SYNDIG1L: variants seen among roughly 807,000 people sequenced by gnomAD.
SYNDIG1L encodes the protein synapse differentiation inducing 1 like, also known as synapse differentiation-inducing gene protein 1-like.
SYNDIG1L carries 13 observed loss-of-function variants against 20.1 expected under a neutral mutation model. That is an observed-to-expected ratio of 0.65 (90% CI 0.42 to 1.03). The LOEUF is 1.03. Among genes scored for constraint, SYNDIG1L ranks in the 50% least tolerant of loss-of-function variants. The pLI is 0.00. For synonymous variants in SYNDIG1L, 128 were observed against 129.3 expected (o/e 0.99, Z 0.07); for missense variants, 294 against 305.1 (o/e 0.96, Z 0.27).
intron 1 of SYNDIG1L, 40 bp downstream of exon 1, chr14:74,425,872 T>C (rs1037841378): frequency 6.6e-6 from 1 of 152,164 alleles, no homozygotes; most frequent in African/African-American, 2.4e-5. Context: ...GCTCCGTGCC[T>C]AGCTCTGCGC....
the SYNDIG1L span, among the ~76,000 whole-genome samples, chr14:74,434,220 T>A: frequency 1.3e-5 from 2 of 152,218 alleles, no homozygotes. Flanking sequence ...ATGCATGCAC[T>A]ACCTTAAAAT....
the SYNDIG1L span, among the ~76,000 whole-genome samples, chr14:74,459,865 G>A: frequency 1.3e-5 from 2 of 152,242 alleles, no homozygotes; most frequent in Non-Finnish European, 2.9e-5. Context: ...TCACTGCCCA[G>A]ATGGATTTCT....
intron 1 of SYNDIG1L, among the ~76,000 whole-genome samples, chr14:74,412,912 C>T (rs1383519487): frequency 6.6e-6 from 1 of 152,172 alleles, no homozygotes; most frequent in Non-Finnish European, 1.5e-5. Context: ...GTGCTGTCAC[C>T]ATCCATGTGG....
chr14:74,407,795 C>A, intron 3 of SYNDIG1L, 54 bp downstream of exon 3: 1 of 1,581,038 alleles, frequency 6.3e-7, no homozygotes, highest in East Asian at 2.2e-5. Flanking sequence ...GGATGCCAAG[C>A]CCTCCAGTAG....
Position 74,417,233 on chromosome 14 carries a change from G to T in SYNDIG1L, c.-57-7432C>A, listed in dbSNP as rs2086184124. 2.0e-5 allele frequency among the ~76,000 whole-genome samples: 3 copies of T among 152,210 alleles called. No homozygotes were observed. The South Asian group carries it at 6.2e-4, about 31-fold the overall frequency. ...GCATGCTTTTAGCCACCAAACAGAT[G>T]CAGGGATGGGAGACCAGAGGTCCTG... is the stretch of plus-strand genomic sequence containing the variant. On this transcript the variant is annotated intron_variant, in intron 1 of 3. Coordinates refer to ENST00000331628, the MANE Select transcript of SYNDIG1L (RefSeq NM_001105579.2).
the SYNDIG1L span, among the ~76,000 whole-genome samples, chr14:74,434,856 T>G: frequency 1.1e-4 from 16 of 148,780 alleles, no homozygotes; most frequent in Admixed American, 1.1e-3. Flanking sequence ...CCGAGGCAGG[T>G]GGATCATGAG....
chr14:74,414,572 T>C (rs570622104), intron 1 of SYNDIG1L, among the ~76,000 whole-genome samples: 11 of 152,304 alleles, frequency 7.2e-5, no homozygotes, highest in Middle Eastern at 3.4e-3. Flanking sequence ...CCAATTGCAT[T>C]GGAGTCCAAT....
At chr14:74,412,773 C>T (rs2086142215) in intron 1 of SYNDIG1L, among the ~76,000 whole-genome samples, 1 of 152,130 alleles carries the variant, frequency 6.6e-6, no homozygotes, top group African/African-American at 2.4e-5. Context: ...GCAGCCCTGC[C>T]CCTCCACCCC....
chr14:74,440,953 A>G, the SYNDIG1L span, among the ~76,000 whole-genome samples: 1 of 152,064 alleles, frequency 6.6e-6, no homozygotes, highest in Non-Finnish European at 1.5e-5. Context: ...ATAAATCTCA[A>G]TGTCTCTGAA....
chr14:74,461,131 C>T, the SYNDIG1L span, among the ~76,000 whole-genome samples: 26 of 150,484 alleles, frequency 1.7e-4, no homozygotes, highest in African/African-American at 6.1e-4. Context: ...GAGGGGACTA[C>T]ACAGTCAGGT....
chr14:74,437,834 G>T, the SYNDIG1L span, among the ~76,000 whole-genome samples: 1 of 152,124 alleles, frequency 6.6e-6, no homozygotes, highest in Non-Finnish European at 1.5e-5. Flanking sequence ...TTTGGCAGCC[G>T]CTCAGGGGCT....
At chr14:74,431,711 A>G in the SYNDIG1L span, among the ~76,000 whole-genome samples, 1 of 152,128 alleles carries the variant, frequency 6.6e-6, no homozygotes, top group African/African-American at 2.4e-5. Context: ...GTGACATTTA[A>G]TGAGGGAGCA....
rs543722555 is a variant in SYNDIG1L at position 74,414,751 on chromosome 14, G to A, written c.-57-4950C>T. Among the ~76,000 whole-genome samples, 54 of 152,272 alleles carry A rather than the reference G, an allele frequency of 3.5e-4. 1 individual carries two copies. The highest frequency in any genetic ancestry group is 2.0e-3 in the Admixed American group (31 of 15,300). ...GTGCCGGGAACTGTTCTAAATGCTC[G>A]TGTTGACTCTAGATTCCTGGTAATA... On this transcript the variant is annotated intron_variant, in intron 1 of 3. Transcript: ENST00000331628.
chr14:74,458,597 A>G, the SYNDIG1L span, among the ~76,000 whole-genome samples: 60,192 of 144,690 alleles, frequency 0.42, 12,626 homozygotes, highest in Non-Finnish European at 0.45. Flanking sequence ...ACTCCAGCCC[A>G]GGTGACAGAG....
intron 1 of SYNDIG1L, among the ~76,000 whole-genome samples, chr14:74,417,667 G>T (rs2086187305): frequency 6.6e-6 from 1 of 152,182 alleles, no homozygotes; most frequent in African/African-American, 2.4e-5. Flanking sequence ...ACCCAGGTTT[G>T]ATTTAGTCTA....
At chr14:74,437,182 C>G in the SYNDIG1L span, among the ~76,000 whole-genome samples, 1 of 152,178 alleles carries the variant, frequency 6.6e-6, no homozygotes, top group Non-Finnish European at 1.5e-5. Context: ...GCCCTTGCAG[C>G]TCTGATGTCC....
At chr14:74,476,667 GC>G in the SYNDIG1L span, 1 of 1,160,716 alleles carries the variant, frequency 8.6e-7, no homozygotes, top group Non-Finnish European at 1.2e-6. Flanking sequence ...CACCCACATT[GC>G]CCACCCTCTT....
At chr14:74,411,185 C>A (rs185662604) in intron 1 of SYNDIG1L, among the ~76,000 whole-genome samples, 2 of 152,184 alleles carry the variant, frequency 1.3e-5, no homozygotes, top group Non-Finnish European at 2.9e-5. Context: ...CTGGTCTTGA[C>A]GCCTTGGGCA....
upstream of SYNDIG1L, among the ~76,000 whole-genome samples, chr14:74,428,001 G>A (rs1041230440): frequency 2.6e-5 from 4 of 152,218 alleles, no homozygotes; most frequent in Non-Finnish European, 4.4e-5. Flanking sequence ...AGCAAAAGCC[G>A]CATATAAATT....
Sources: allele counts gnomAD v4.1 joint callset (sites outside exome capture counted in the v4.1 genomes callset), GRCh38; gene constraint gnomAD v4.1.1; transcripts MANE v1.5; gene names NCBI Gene and HGNC (gene_info 2026-07-23, HGNC 2026-07-21).